The following FYN variants were observed in gnomAD, a reference collection of about 807,000 sequenced individuals.
FYN encodes FYN proto-oncogene, Src family tyrosine kinase.
A neutral mutation model predicts 70.2 loss-of-function variants in FYN; 10 were observed. That is an observed-to-expected ratio of 0.14 (90% CI 0.09 to 0.24). FYN has a LOEUF of 0.24. Ranked by LOEUF, FYN falls within the 10% of genes least tolerant of loss-of-function variation. FYN has a pLI of 1.00. For missense variants in FYN, 319 were observed against 673.1 expected, an observed-to-expected ratio of 0.47 and a Z score of 5.82; for synonymous variants, 236 against 248.6, an observed-to-expected ratio of 0.95 and a Z score of 0.48.
chr6:111,671,759 G>T (rs1319521728), intron 13 of FYN, among the ~76,000 whole-genome samples: 2 of 152,110 alleles, frequency 1.3e-5, no homozygotes, highest in East Asian at 3.9e-4. Flanking sequence ...AGAGAGGAAG[G>T]TCCTTCTTTG....
chr6:111,689,653 T>A (rs985063056), intron 12 of FYN, among the ~76,000 whole-genome samples: 1 of 152,078 alleles, frequency 6.6e-6, no homozygotes, highest in Non-Finnish European at 1.5e-5. Context: ...CTCACAGACA[T>A]AATGGGAAAG....
At chr6:111,870,483 A>G (rs1774239127) in intron 1 of FYN, among the ~76,000 whole-genome samples, 1 of 152,232 alleles carries the variant, frequency 6.6e-6, no homozygotes, top group Non-Finnish European at 1.5e-5. Context: ...ACAGGTGTTG[A>G]GCACATACCA....
rs112187370 is a variant in FYN at position 111,771,879 on chromosome 6, G to T, written c.-12+8687C>A. On this transcript the variant is annotated intron_variant, in intron 3 of 13. Transcript: ENST00000354650. ...CTCCTGGCTGACTTTCCTTGTTTAG[G>T]GACCTACTCAGTCAGGCAGGCACTT... Among the ~76,000 whole-genome samples the T allele has an allele frequency of 2.6e-5, 4 of 152,072 alleles. No individual in the cohort carries two copies. The East Asian group carries it at 7.7e-4, about 29-fold the overall frequency.
In FYN at chr6:111,801,213, A is replaced by G. The variant is rs1420210000; in HGVS notation, c.-81-20578T>C. On this transcript the variant is annotated intron_variant, in intron 2 of 13. Coordinates refer to ENST00000354650, the MANE Select transcript of FYN (RefSeq NM_002037.5). ...AGCAACGCTCAAACCACTGGCAACA[A>G]CAGGGTAGTATCTTGATCTTCTGGC... 2.0e-5 allele frequency among the ~76,000 whole-genome samples: 3 copies of G among 152,346 alleles called. No individual in the cohort carries two copies. The East Asian group carries it at 5.8e-4, about 29-fold the overall frequency.
intron 2 of FYN, among the ~76,000 whole-genome samples, chr6:111,790,401 G>C (rs945731239): frequency 6.6e-6 from 1 of 151,812 alleles, no homozygotes; most frequent in Non-Finnish European, 1.5e-5. Flanking sequence ...CCATCCTCCT[G>C]GCCTACCTGG....
chr6:111,781,617 G>A (rs183055884), intron 2 of FYN, among the ~76,000 whole-genome samples: 3 of 152,210 alleles, frequency 2.0e-5, no homozygotes, highest in Admixed American at 1.3e-4. Flanking sequence ...CCAGAGGCCT[G>A]TCCGGCCTCT....
intron 13 of FYN, 113 bp downstream of exon 13, chr6:111,674,386 G>A: frequency 2.5e-6 from 3 of 1,199,828 alleles, no homozygotes; most frequent in Non-Finnish European, 3.5e-6. Context: ...TCAAACTCAA[G>A]CTCAGCAGAA....
intron 9 of FYN, chr6:111,699,618 G>T: frequency 6.2e-6 from 10 of 1,613,904 alleles, no homozygotes; most frequent in Non-Finnish European, 8.5e-6. Flanking sequence ...AAGTTTGTGG[G>T]GTACAACTCG....
intron 3 of FYN, among the ~76,000 whole-genome samples, chr6:111,761,804 G>A (rs537046662): frequency 1.3e-5 from 2 of 152,208 alleles, no homozygotes; most frequent in South Asian, 4.2e-4. Context: ...TGTGAAAGGG[G>A]GCTGCTAGCT....
intron 12 of FYN, among the ~76,000 whole-genome samples, chr6:111,690,658 C>T (rs1799276130): frequency 1.3e-5 from 2 of 152,190 alleles, no homozygotes; most frequent in African/African-American, 4.8e-5. Context: ...CAACATTTAT[C>T]ACTATGTGCT....
intron 2 of FYN, among the ~76,000 whole-genome samples, chr6:111,836,416 C>A (rs546027040): frequency 7.9e-5 from 12 of 152,160 alleles, no homozygotes; most frequent in Middle Eastern, 3.4e-3. Context: ...TGGGCTTTAG[C>A]CCCCAAAAGA....
At chr6:111,867,312 G>A (rs974645624) in intron 1 of FYN, among the ~76,000 whole-genome samples, 8 of 151,864 alleles carry the variant, frequency 5.3e-5, no homozygotes, top group African/African-American at 1.2e-4. Context: ...ATAATTAGCC[G>A]GGTGTGGCGT....
intron 3 of FYN, among the ~76,000 whole-genome samples, chr6:111,750,541 T>G (rs1802440116): frequency 6.6e-6 from 1 of 152,168 alleles, no homozygotes; most frequent in South Asian, 2.1e-4. Context: ...AATGTGAGAA[T>G]GAATTAATAC....
chr6:111,743,936 G>A (rs1416127918), intron 3 of FYN, among the ~76,000 whole-genome samples: 1 of 152,192 alleles, frequency 6.6e-6, no homozygotes, highest in Non-Finnish European at 1.5e-5. Context: ...GAAAGATCTT[G>A]CAGAATGAAC....
intron 3 of FYN, among the ~76,000 whole-genome samples, chr6:111,736,977 GT>G (rs1368612883): frequency 6.6e-6 from 1 of 152,126 alleles, no homozygotes; most frequent in Non-Finnish European, 1.5e-5. Context: ...CCCTAACTTT[GT>G]TTTTCTTAAC....
rs572219466 is a variant in FYN, at chr6:111,782,773, G to A, written c.-81-2138C>T. Among the ~76,000 whole-genome samples, 13 of 152,276 alleles carry A rather than the reference G, an allele frequency of 8.5e-5. No individual in the cohort carries two copies. The South Asian group carries it at 2.7e-3, about 32-fold the overall frequency. On this transcript the variant is annotated intron_variant, in intron 2 of 13. Coordinates refer to ENST00000354650, the MANE Select transcript of FYN (RefSeq NM_002037.5). ...ACAACTTGTGATTTCCTAAGTATGGGCACTTTGGTGATCCATGCTGGTGAG... is the reference window on the plus strand; with the variant it reads ...ACAACTTGTGATTTCCTAAGTATGGACACTTTGGTGATCCATGCTGGTGAG...
At chr6:111,711,050 A>G (rs1800354470) in intron 5 of FYN, among the ~76,000 whole-genome samples, 1 of 152,074 alleles carries the variant, frequency 6.6e-6, no homozygotes, top group South Asian at 2.1e-4. Flanking sequence ...CTGTGCCCCC[A>G]CCACACCCCA....
At chr6:111,826,852 T>C (rs1156478507) in intron 2 of FYN, among the ~76,000 whole-genome samples, 1 of 152,162 alleles carries the variant, frequency 6.6e-6, no homozygotes, top group Non-Finnish European at 1.5e-5. Context: ...CCAATAAACA[T>C]TTGTAATTAG....
chr6:111,734,551 C>CTGTG (rs1801619036), intron 3 of FYN, among the ~76,000 whole-genome samples: 1 of 152,210 alleles, frequency 6.6e-6, no homozygotes, highest in Non-Finnish European at 1.5e-5. Context: ...TCATGACATG[C>CTGTG]TGTGGTCTTG....
Sources: gnomAD v4.1 joint callset for allele counts (sites outside exome capture counted in the v4.1 genomes callset) on GRCh38, gnomAD v4.1.1 for gene constraint, MANE v1.5 for transcripts, NCBI Gene and HGNC (gene_info 2026-07-23, HGNC 2026-07-21) for gene names.